The following B3GALT2 variants were observed in gnomAD, a reference collection of about 807,000 sequenced individuals.
B3GALT2 encodes the protein beta-1,3-galactosyltransferase 2.
B3GALT2 carries 13 observed loss-of-function variants against 33.5 expected under a neutral mutation model. The observed-to-expected ratio is 0.39, with a 90% CI of 0.25 to 0.62. The LOEUF (loss-of-function observed/expected upper bound fraction) is 0.62. Among genes scored for constraint, B3GALT2 ranks in the 20% least tolerant of loss-of-function variants. The pLI is 0.53. For missense variants in B3GALT2, 418 were observed against 509.1 expected (o/e 0.82, Z 1.72); for synonymous variants, 195 against 172.7 (o/e 1.13, Z -1.01).
intron 1 of B3GALT2, among the ~76,000 whole-genome samples, chr1:193,182,504 C>T (rs1676734030): frequency 6.6e-6 from 1 of 152,034 alleles, no homozygotes; most frequent in South Asian, 2.1e-4. Flanking sequence ...ACTTTGAAAC[C>T]AACTGTTTAA....
At chr1:193,183,590 T>C (rs6428155) in intron 1 of B3GALT2, among the ~76,000 whole-genome samples, 93,946 of 150,658 alleles carry the variant, frequency 0.62, 29,750 homozygotes, top group South Asian at 0.77. Flanking sequence ...TCTTGTACTT[T>C]TAAATAGCTG....
At position 193,180,398 on chromosome 1, in the gene B3GALT2, C is replaced by G; in HGVS notation, c.1165G>C (p.Glu389Gln). The G allele has an allele frequency of 6.2e-7, 1 of 1,613,868 alleles. No homozygotes were observed. ...LITSHQFQPS[E>Q]LIKYWNHLQQ... Reference sequence around the variant, plus strand: ...AAATGGTTCCAGTATTTTATCAGTTCACTAGGCTGGAACTGATGAGAGGTA... The same window carrying G: ...AAATGGTTCCAGTATTTTATCAGTTGACTAGGCTGGAACTGATGAGAGGTA... Residue 389 changes from glutamate (E) to glutamine (Q), a missense_variant, in exon 2 of 2, where the codon GAA (glutamate) becomes CAA (glutamine). By Grantham distance (29) the Glu-to-Gln change is conservative. Around this residue, in one of 3 missense-constraint regions of B3GALT2, gnomAD observed 226 missense variants for 293.9 expected, o/e 0.77. Coordinates refer to ENST00000367434, the MANE Select transcript of B3GALT2 (RefSeq NM_003783.3).
rs528868493 is a variant in B3GALT2, at chr1:193,182,754, T to A, written c.-120-1072A>T. Among the ~76,000 whole-genome samples, 114 of 152,250 alleles carry A rather than the reference T, an allele frequency of 7.5e-4. 5 individuals are homozygous for A. The South Asian group carries it at 0.023, about 30-fold the overall frequency. ...AGCACAGATTTGTTCACATTTGTTCTTAGTGTTTTTGTTGTTGTTTTTAGT... is the reference window on the plus strand; with the variant it reads ...AGCACAGATTTGTTCACATTTGTTCATAGTGTTTTTGTTGTTGTTTTTAGT... On this transcript the variant is annotated intron_variant, in intron 1 of 1. Transcript: ENST00000367434.
chr1:193,180,471 G>T lies in B3GALT2; in HGVS notation c.1092C>A (p.Phe364Leu). Residue 364 changes from phenylalanine (F) to leucine (L), a missense_variant, in exon 2 of 2, where the codon TTC becomes TTA. Around this residue, in one of 3 missense-constraint regions of B3GALT2, gnomAD observed 226 missense variants for 293.9 expected, o/e 0.77. Coordinates refer to ENST00000367434, the MANE Select transcript of B3GALT2 (RefSeq NM_003783.3). ...DPVPPPNEFVFNHWRVSYSSC... is the reference protein window; with the variant it reads ...DPVPPPNEFVLNHWRVSYSSC... Reference sequence around the variant, plus strand: ...TCGAATAAGAGACTCGCCAGTGATTGAACACAAACTCATTGGGAGGGGGTA... The same window carrying T: ...TCGAATAAGAGACTCGCCAGTGATTTAACACAAACTCATTGGGAGGGGGTA... 1 of 1,613,996 alleles carries T rather than the reference G, an allele frequency of 6.2e-7. No individual in the cohort carries two copies. Among genetic ancestry groups the T allele is most frequent in the South Asian group, 1.1e-5 (1 of 91,056 alleles).
Position 193,181,479 on chromosome 1 carries a change from A to G in B3GALT2, c.84T>C (p.Ile28=). 2 of 1,614,060 alleles carry G rather than the reference A, an allele frequency of 1.2e-6. No individual in the cohort carries two copies. Among genetic ancestry groups the G allele is most frequent in the African/African-American group, 1.3e-5 (1 of 75,070 alleles). ...AAAGAAACACTAGAGAAAGTACTCC[A>G]ATAAGATGAGTGCGGAACAGAGACC... The part of the protein sequence containing the change: ...AKRSLFRTHL[I]GVLSLVFLFA... Residue 28 remains isoleucine, a synonymous_variant, in exon 2 of 2, where the codon ATT becomes ATC. Coordinates refer to ENST00000367434, the MANE Select transcript of B3GALT2 (RefSeq NM_003783.3).
Position 193,181,616 on chromosome 1 carries a change from T to C in B3GALT2, c.-54A>G. 2.1e-6 allele frequency: 3 copies of C among 1,411,884 alleles called. No homozygotes were observed. Among genetic ancestry groups the C allele is most frequent in the Non-Finnish European group, 2.9e-6 (3 of 1,037,714 alleles). 87.5% of individuals were successfully genotyped at this position (1,411,884 alleles called of 1,614,324 possible). A position where few individuals can be genotyped will look rare whatever the true frequency, so the allele number is the denominator to read the frequency against. On this transcript the variant is annotated 5_prime_UTR_variant, in exon 2 of 2. Transcript: ENST00000367434. ...GAGATTGGTGACCAAAAATGTTTTC[T>C]TCTCCTTAATACTATTCTTTGGCAA...
chr1:193,178,980 T>C lies in B3GALT2; in HGVS notation c.*1314A>G, dbSNP rs1200869738. 6.6e-6 allele frequency: 1 copy of C among 152,198 alleles called. No individual in the cohort carries two copies. Among genetic ancestry groups the C allele is most frequent in the Non-Finnish European group, 1.5e-5 (1 of 68,014 alleles). 9.4% of individuals were successfully genotyped at this position (152,198 alleles called of 1,614,324 possible). On this transcript the variant is annotated 3_prime_UTR_variant, in exon 2 of 2. Transcript: ENST00000367434. ...ACTATTTTAGTTAGTAGGTTGGTAT[T>C]TCTTGATTTTAAAATTCATGATGGA...
intron 1 of B3GALT2, among the ~76,000 whole-genome samples, chr1:193,182,908 T>C (rs903487225): frequency 2.6e-5 from 4 of 152,076 alleles, no homozygotes; most frequent in African/African-American, 9.6e-5. Flanking sequence ...AACTTTTTAT[T>C]ATGAAAATTA....
intron 1 of B3GALT2, among the ~76,000 whole-genome samples, chr1:193,183,286 C>T (rs546279992): frequency 1.3e-5 from 2 of 151,102 alleles, no homozygotes; most frequent in South Asian, 2.1e-4. Context: ...TAGGCACCAG[C>T]GTTTGAAATT....
intron 1 of B3GALT2, among the ~76,000 whole-genome samples, chr1:193,184,107 A>G (rs902483195): frequency 6.6e-6 from 1 of 151,918 alleles, no homozygotes; most frequent in Non-Finnish European, 1.5e-5. Flanking sequence ...TTGTAACAGT[A>G]TGTGATAGAG....
Position 193,178,943 on chromosome 1 carries a change from T to C in B3GALT2, c.*1351A>G, listed in dbSNP as rs576033459. The C allele has an allele frequency of 6.6e-6, 1 of 152,294 alleles. No individual in the cohort carries two copies. Among genetic ancestry groups the C allele is most frequent in the Non-Finnish European group, 1.5e-5 (1 of 67,996 alleles). 9.4% of individuals were successfully genotyped at this position (152,294 alleles called of 1,614,324 possible). A position where few individuals can be genotyped will look rare whatever the true frequency, so the allele number is the denominator to read the frequency against. On this transcript the variant is annotated 3_prime_UTR_variant, in exon 2 of 2. Transcript: ENST00000367434. ...AGATTGACAGATTTACATACTTGTATGGAATAAAAACACTATTTTAGTTAG... is the reference window on the plus strand; with the variant it reads ...AGATTGACAGATTTACATACTTGTACGGAATAAAAACACTATTTTAGTTAG...
chr1:193,181,595 T>C lies in B3GALT2; in HGVS notation c.-33A>G. 3 of 1,520,300 alleles carry C rather than the reference T, an allele frequency of 2.0e-6. No homozygotes were observed. Among genetic ancestry groups the C allele is most frequent in the Non-Finnish European group, 2.6e-6 (3 of 1,134,842 alleles). The allele number at this position is 1,520,300 out of a possible 1,614,324, so 94.2% of individuals were successfully genotyped here. ...ATATCCAGTAGTGGTATATGAGAGA[T>C]TGGTGACCAAAAATGTTTTCTTCTC... On this transcript the variant is annotated 5_prime_UTR_variant, in exon 2 of 2. Coordinates refer to ENST00000367434, the MANE Select transcript of B3GALT2 (RefSeq NM_003783.3).
chr1:193,183,427 T>C (rs1409449550), intron 1 of B3GALT2, among the ~76,000 whole-genome samples: 1 of 148,002 alleles, frequency 6.8e-6, no homozygotes, highest in South Asian at 2.2e-4. Context: ...TCTAGTATGC[T>C]ATTTGTTAGA....
chr1:193,180,895 G>A lies in B3GALT2; in HGVS notation c.668C>T (p.Thr223Met), dbSNP rs1344665355. 4 of 1,613,708 alleles carry A rather than the reference G, an allele frequency of 2.5e-6. No individual in the cohort carries two copies. Among genetic ancestry groups the A allele is most frequent in the Non-Finnish European group, 2.5e-6 (3 of 1,179,876 alleles). Residue 223 changes from threonine to methionine, a missense_variant, in exon 2 of 2, where the codon ACG becomes ATG. Thr to Met is a moderately conservative substitution (Grantham distance 81, BLOSUM62 -1). Around this residue, in one of 3 missense-constraint regions of B3GALT2, gnomAD observed 226 missense variants for 293.9 expected, o/e 0.77. Transcript: ENST00000367434. Reference protein sequence around the residue: ...HDIIQQEYLDTYYNLTIKTLM... With the variant: ...HDIIQQEYLDMYYNLTIKTLM... ...TGTTTTAATGGTCAAATTATAGTAC[G>A]TATCTAAGTATTCCTGTTGAATTAT... is the stretch of plus-strand genomic sequence containing the variant.
Position 193,181,588 on chromosome 1 carries a change from TGA to T in B3GALT2, c.-28_-27del, listed in dbSNP as rs765399636. The T allele has an allele frequency of 2.0e-6, 3 of 1,533,994 alleles. No individual in the cohort carries two copies. In the Admixed American group the frequency reaches 6.6e-5, roughly 34 times the overall value. ...GTTGTAAATATCCAGTAGTGGTATA[TGA>T]GAGATTGGTGACCAAAAATGTTTTC... is the stretch of plus-strand genomic sequence containing the variant. On this transcript the variant is annotated 5_prime_UTR_variant, in exon 2 of 2. Coordinates refer to ENST00000367434, the MANE Select transcript of B3GALT2 (RefSeq NM_003783.3).
At chr1:193,183,079 C>G (rs1676746090) in intron 1 of B3GALT2, among the ~76,000 whole-genome samples, 1 of 151,588 alleles carries the variant, frequency 6.6e-6, no homozygotes, top group South Asian at 2.1e-4. Flanking sequence ...TTAATTACTT[C>G]TAGGAAATAG....
Position 193,180,934 on chromosome 1 carries a change from C to T in B3GALT2, c.629G>A (p.Arg210Lys). ...CTGTTGAATTATATCATGATATTGT[C>T]TGCTTTCTTCCAGTATTGCACGTTG... ...YLQRAILEES[R>K]QYHDIIQQEY... Residue 210 changes from arginine to lysine, a missense_variant, in exon 2 of 2, where the codon AGA (arginine) becomes AAA (lysine). This residue lies in a region of B3GALT2 where 226 missense variants were observed against 293.9 expected (regional missense o/e 0.77). Coordinates refer to ENST00000367434, the MANE Select transcript of B3GALT2 (RefSeq NM_003783.3). The T allele has an allele frequency of 1.2e-6, 2 of 1,613,600 alleles. No individual in the cohort carries two copies. Among genetic ancestry groups the T allele is most frequent in the Non-Finnish European group, 1.7e-6 (2 of 1,179,940 alleles).
At chr1:193,183,187 T>C (rs1325197) in intron 1 of B3GALT2, among the ~76,000 whole-genome samples, 109,427 of 151,188 alleles carry the variant, frequency 0.72, 39,882 homozygotes, top group South Asian at 0.82. Flanking sequence ...AAGTGTTAGA[T>C]GTAAATGAAT....
At chr1:193,183,040 TATTAA>T (rs1676745070) in intron 1 of B3GALT2, among the ~76,000 whole-genome samples, 1 of 152,036 alleles carries the variant, frequency 6.6e-6, no homozygotes, top group South Asian at 2.1e-4. Context: ...TCATGGTTAA[TATTAA>T]ATTTGTTTAA....
Sources: gnomAD v4.1 joint callset for allele counts (sites outside exome capture counted in the v4.1 genomes callset) on GRCh38, gnomAD v4.1.1 for gene constraint, gnomAD v4.1.1 regional missense constraint, MANE v1.5 for transcripts, NCBI Gene and HGNC (gene_info 2026-07-23, HGNC 2026-07-21) for gene names.